The following RAB6B variants were observed in gnomAD, a reference collection of about 807,000 sequenced individuals.
The protein encoded by RAB6B is RAB6B, member RAS oncogene family.
RAB6B carries 7 observed loss-of-function variants against 31.2 expected under a neutral mutation model. The observed-to-expected ratio is 0.22, with a 90% CI of 0.13 to 0.42. The LOEUF (loss-of-function observed/expected upper bound fraction) is 0.42, where lower values mean the gene tolerates loss of function less well. Among genes scored for constraint, RAB6B ranks in the 10% least tolerant of loss-of-function variants. The pLI, the probability that RAB6B is intolerant of heterozygous loss-of-function variation, is 1.00. For missense variants in RAB6B, 149 were observed against 280.6 expected (o/e 0.53, Z 3.35); for synonymous variants, 105 against 104.9 (o/e 1.00, Z -0.01).
At chr3:133,895,110 C>T (rs1200549086) in intron 1 of RAB6B, among the ~76,000 whole-genome samples, 1 of 152,198 alleles carries the variant, frequency 6.6e-6, no homozygotes, top group Non-Finnish European at 1.5e-5. Context: ...GCCGCGGAGC[C>T]AGCCGCCGCC....
At chr3:133,857,186 A>T (rs1354590503) in intron 2 of RAB6B, among the ~76,000 whole-genome samples, 1 of 152,188 alleles carries the variant, frequency 6.6e-6, no homozygotes, top group Non-Finnish European at 1.5e-5. Context: ...GTTTTGGCCC[A>T]TAATTTTCCA....
At chr3:133,860,636 T>C (rs1936147672) in intron 2 of RAB6B, among the ~76,000 whole-genome samples, 1 of 152,204 alleles carries the variant, frequency 6.6e-6, no homozygotes, top group Non-Finnish European at 1.5e-5. Flanking sequence ...GGCAACCCCT[T>C]GGCCTGGGAG....
chr3:133,877,611 A>G (rs1254529843), intron 1 of RAB6B, among the ~76,000 whole-genome samples: 1 of 152,174 alleles, frequency 6.6e-6, no homozygotes, highest in Non-Finnish European at 1.5e-5. Flanking sequence ...TCCAATAAAA[A>G]ATTATCAGGC....
intron 2 of RAB6B, among the ~76,000 whole-genome samples, chr3:133,861,447 C>A (rs1371422412): frequency 6.6e-6 from 1 of 152,172 alleles, no homozygotes; most frequent in Non-Finnish European, 1.5e-5. Context: ...CTCACGGGGC[C>A]TACCAGGTGG....
intron 7 of RAB6B, among the ~76,000 whole-genome samples, chr3:133,833,538 T>C (rs1201618588): frequency 6.6e-6 from 1 of 152,158 alleles, no homozygotes; most frequent in Non-Finnish European, 1.5e-5. Flanking sequence ...GCTGCAGCCC[T>C]GGGACTCCTG....
rs180930622 is a variant in RAB6B, at chr3:133,832,349, C to T, written c.562+2226G>A. On this transcript the variant is annotated intron_variant, in intron 7 of 7. Coordinates refer to ENST00000285208, the MANE Select transcript of RAB6B (RefSeq NM_016577.4). The stretch of plus-strand genomic sequence containing the variant: ...ATTGGCCAGAGCGGCCCTGAGGGGT[C>T]CTCCTGTCTCGAACGTGAAGAAGAG... 3.6e-4 allele frequency among the ~76,000 whole-genome samples: 55 copies of T among 152,048 alleles called. 2 individuals carry two copies. The East Asian group carries it at 8.4e-3, about 23-fold the overall frequency.
intron 6 of RAB6B, among the ~76,000 whole-genome samples, chr3:133,835,894 C>G (rs1352993378): frequency 1.3e-5 from 2 of 152,124 alleles, no homozygotes; most frequent in African/African-American, 4.8e-5. Context: ...TTCCCAGCCT[C>G]CAGAGCTGTA....
intron 1 of RAB6B, among the ~76,000 whole-genome samples, chr3:133,871,664 C>A (rs901660140): frequency 6.6e-6 from 1 of 152,196 alleles, no homozygotes; most frequent in African/African-American, 2.4e-5. Context: ...GCCTCCACAG[C>A]GGGTGTGGGT....
At chr3:133,872,855 G>T (rs531586091) in intron 1 of RAB6B, among the ~76,000 whole-genome samples, 3 of 152,208 alleles carry the variant, frequency 2.0e-5, no homozygotes, top group Non-Finnish European at 4.4e-5. Flanking sequence ...ACGCTCAGCC[G>T]CCTGGGCCTC....
rs1251630996 is a variant in RAB6B at position 133,889,387 on chromosome 3, G to GTTTT, written c.70+6009_70+6010insAAAA. Reference sequence around the variant, plus strand: ...AACAAAAGGACAATAAGGTTATTTTGTTATATATATATATATATATATATA... The same window carrying GTTTT: ...AACAAAAGGACAATAAGGTTATTTTGTTTTTTATATATATATATATATATATATA... On this transcript the variant is annotated intron_variant, in intron 1 of 7. Coordinates refer to ENST00000285208, the MANE Select transcript of RAB6B (RefSeq NM_016577.4). Among the ~76,000 whole-genome samples the GTTTT allele has an allele frequency of 2.2e-4, 14 of 62,818 alleles. 1 individual carries two copies. The highest frequency in any genetic ancestry group is 8.9e-3 in the Middle Eastern group (1 of 112). The allele number at this position is 62,818 out of a possible 152,430, so 41.2% of individuals were successfully genotyped here.
At chr3:133,873,998 T>C (rs946330041) in intron 1 of RAB6B, among the ~76,000 whole-genome samples, 2 of 152,224 alleles carry the variant, frequency 1.3e-5, no homozygotes, top group Admixed American at 1.3e-4. Flanking sequence ...AAGGTCTTCA[T>C]CTTCATTGTC....
chr3:133,889,806 C>G (rs1192693598), intron 1 of RAB6B, among the ~76,000 whole-genome samples: 1 of 152,134 alleles, frequency 6.6e-6, no homozygotes, highest in African/African-American at 2.4e-5. Flanking sequence ...TAATGATCAT[C>G]AGATCATGCA....
intron 1 of RAB6B, among the ~76,000 whole-genome samples, chr3:133,865,974 T>C (rs987362758): frequency 6.6e-6 from 1 of 152,248 alleles, no homozygotes; most frequent in Non-Finnish European, 1.5e-5. Context: ...TTTGGTTAGC[T>C]GGATTGAAAT....
chr3:133,866,871 T>C (rs777148812), intron 1 of RAB6B, among the ~76,000 whole-genome samples: 2 of 152,254 alleles, frequency 1.3e-5, no homozygotes, highest in Non-Finnish European at 2.9e-5. Context: ...CAGGGCACGC[T>C]GGTCACTTCC....
chr3:133,875,382 C>A (rs543983273), intron 1 of RAB6B, among the ~76,000 whole-genome samples: 2 of 152,114 alleles, frequency 1.3e-5, no homozygotes, highest in Non-Finnish European at 2.9e-5. Context: ...AGAACACATA[C>A]AAGCACAGGG....
Position 133,828,097 on chromosome 3 carries a change from T to A in RAB6B, c.*691A>T. The A allele has an allele frequency of 1.5e-6, 1 of 655,158 alleles. No individual in the cohort carries two copies. Among genetic ancestry groups the A allele is most frequent in the Non-Finnish European group, 2.8e-6 (1 of 359,008 alleles). The allele number at this position is 655,158 out of a possible 1,614,324, so 40.6% of individuals were successfully genotyped here. A position where few individuals can be genotyped will look rare whatever the true frequency, so the allele number is the denominator to read the frequency against. ...CTTTTCAGGGAAAGAGAAGGAGAGG[T>A]GGGAGCAGTTCCTCTGGGGGCTGCT... On this transcript the variant is annotated 3_prime_UTR_variant, in exon 8 of 8. Transcript: ENST00000285208.
At chr3:133,881,123 C>T (rs982686567) in intron 1 of RAB6B, among the ~76,000 whole-genome samples, 1 of 152,174 alleles carries the variant, frequency 6.6e-6, no homozygotes, top group Non-Finnish European at 1.5e-5. Flanking sequence ...TCCACATATC[C>T]CCCACTGGAC....
In RAB6B at chr3:133,889,276, C is replaced by G. The variant is rs921174188; in HGVS notation, c.70+6121G>C. Among the ~76,000 whole-genome samples the G allele has an allele frequency of 4.6e-5, 7 of 151,742 alleles. No individual in the cohort carries two copies. In the South Asian group the frequency reaches 8.3e-4, roughly 18 times the overall value. ...GATACAAATGTTACCACCCTTGGGC[C>G]TGGCCCCGGCCAGTCTGCAAAGTTT... On this transcript the variant is annotated intron_variant, in intron 1 of 7. Transcript: ENST00000285208.
chr3:133,840,312 A>G (rs1341053444), intron 4 of RAB6B, among the ~76,000 whole-genome samples: 1 of 152,166 alleles, frequency 6.6e-6, no homozygotes, highest in East Asian at 1.9e-4. Context: ...GAGCAGCTAT[A>G]AGGCAATACC....
Sources: allele counts gnomAD v4.1 joint callset (sites outside exome capture counted in the v4.1 genomes callset), GRCh38; gene constraint gnomAD v4.1.1; transcripts MANE v1.5; gene names NCBI Gene and HGNC (gene_info 2026-07-23, HGNC 2026-07-21).